CDH2: variants seen among roughly 807,000 people sequenced by gnomAD.
The protein encoded by CDH2 is cadherin-2.
CDH2 carries 17 observed loss-of-function variants against 92.0 expected under a neutral mutation model. The ratio of observed to expected loss-of-function variants is 0.18; its 90% CI spans 0.13 to 0.28. The LOEUF is 0.28. Among genes scored for constraint, CDH2 ranks in the 10% least tolerant of loss-of-function variants. CDH2 has a pLI of 1.00. For missense variants in CDH2, 862 were observed against 1,133.1 expected (o/e 0.76, Z 3.44); for synonymous variants, 419 against 415.9 (o/e 1.01, Z -0.09).
intron 1 of CDH2, among the ~76,000 whole-genome samples, chr18:28,151,067 T>TGCAACCCTACAAGGCTGTGACTGATACCA (rs1204674140): frequency 6.6e-6 from 1 of 152,230 alleles, no homozygotes; most frequent in African/African-American, 2.4e-5. Flanking sequence ...CAATTCTCCC[T>TGCAACCCTACAAGGCTGTGACTGATACCA]GCAACCCTAC....
intron 2 of CDH2, among the ~76,000 whole-genome samples, chr18:28,040,074 C>T (rs936770778): frequency 6.6e-6 from 1 of 152,066 alleles, no homozygotes; most frequent in Admixed American, 6.6e-5. Context: ...GTGCTACTGA[C>T]GAATGAATAA....
At chr18:27,975,146 T>C (rs1197284171) in intron 14 of CDH2, among the ~76,000 whole-genome samples, 1 of 152,136 alleles carries the variant, frequency 6.6e-6, no homozygotes, top group African/African-American at 2.4e-5. Context: ...GGGCCTTACC[T>C]GGAGAGACTG....
intron 1 of CDH2, among the ~76,000 whole-genome samples, chr18:28,175,010 T>G (rs1379581705): frequency 6.6e-6 from 1 of 152,176 alleles, no homozygotes; most frequent in Non-Finnish European, 1.5e-5. Context: ...TGTCTTGCCT[T>G]CCATTTAACT....
intron 1 of CDH2, among the ~76,000 whole-genome samples, chr18:28,151,158 A>T (rs1183857375): frequency 6.6e-5 from 10 of 152,256 alleles, no homozygotes; most frequent in Admixed American, 4.6e-4. Flanking sequence ...GGCTGACTGC[A>T]CTGTGGTGGT....
intron 15 of CDH2, among the ~76,000 whole-genome samples, chr18:27,958,683 G>T (rs971021660): frequency 2.0e-5 from 3 of 152,022 alleles, no homozygotes; most frequent in Non-Finnish European, 4.4e-5. Context: ...GTTTGACTTT[G>T]TCCCCACCCA....
chr18:28,073,735 G>T (rs1278882570), intron 2 of CDH2, among the ~76,000 whole-genome samples: 1 of 152,184 alleles, frequency 6.6e-6, no homozygotes, highest in Non-Finnish European at 1.5e-5. Context: ...TAGTGGGGGT[G>T]TTACAGGCTC....
At chr18:27,946,694 GA>G (rs892033276), downstream of CDH2, among the ~76,000 whole-genome samples, 13 of 151,796 alleles carry the variant, frequency 8.6e-5, no homozygotes, top group African/African-American at 1.2e-4. Flanking sequence ...GCAAAATATT[GA>G]AAAAACAAAG....
intron 2 of CDH2, among the ~76,000 whole-genome samples, chr18:28,135,067 T>C (rs1008687366): frequency 6.6e-6 from 1 of 152,222 alleles, no homozygotes; most frequent in African/African-American, 2.4e-5. Context: ...CTCATGATTC[T>C]AAGTGAATTA....
intron 14 of CDH2, among the ~76,000 whole-genome samples, chr18:27,977,877 G>C (rs1341469530): frequency 6.6e-6 from 1 of 152,086 alleles, no homozygotes; most frequent in Non-Finnish European, 1.5e-5. Flanking sequence ...TAAAAAAAAA[G>C]CAATGGATAA....
intron 2 of CDH2, among the ~76,000 whole-genome samples, chr18:28,135,536 G>A (rs1272899625): frequency 6.6e-6 from 1 of 152,032 alleles, no homozygotes; most frequent in Non-Finnish European, 1.5e-5. Context: ...CATACCTTAG[G>A]TTTATCAGTT....
rs376933549 is a variant in CDH2, at chr18:27,993,630, T to G, written c.1028A>C (p.Gln343Pro). 5.0e-6 allele frequency: 8 copies of G among 1,609,628 alleles called. No individual in the cohort carries two copies. The highest frequency in any genetic ancestry group is 6.8e-6 in the Non-Finnish European group (8 of 1,177,040). Residue 343 changes from glutamine (Q) to proline (P), a missense_variant, in exon 8 of 16, where the codon CAA (glutamine) becomes CCA (proline). By Grantham distance (76) the Gln-to-Pro change is moderately conservative. Around this residue, in one of 5 missense-constraint regions of CDH2, gnomAD observed 564 missense variants for 722.2 expected, o/e 0.78. Transcript: ENST00000269141. The part of the protein sequence containing the change: ...VAAGLDREKV[Q>P]QYTLIIQATD... ...AGCTTGAATTATTAACGTATACTGT[T>G]GCACTTTCTAAAAAGACATAAAGAT...
intron 2 of CDH2, among the ~76,000 whole-genome samples, chr18:28,106,917 A>G (rs1403105756): frequency 1.3e-5 from 2 of 152,192 alleles, no homozygotes; most frequent in Non-Finnish European, 2.9e-5. Context: ...AAAATTATAT[A>G]CAAAGGGACA....
chr18:28,033,017 T>C (rs1481521295), intron 2 of CDH2, among the ~76,000 whole-genome samples: 1 of 152,098 alleles, frequency 6.6e-6, no homozygotes, highest in African/African-American at 2.4e-5. Flanking sequence ...AATAATTACA[T>C]TTCAAGGGAG....
At chr18:28,089,260 A>G (rs1477628937) in intron 2 of CDH2, among the ~76,000 whole-genome samples, 1 of 152,224 alleles carries the variant, frequency 6.6e-6, no homozygotes, top group Non-Finnish European at 1.5e-5. Flanking sequence ...ATAATTTTCT[A>G]GAAAAAAGAT....
intron 2 of CDH2, among the ~76,000 whole-genome samples, chr18:28,135,894 T>C (rs1280336383): frequency 6.6e-6 from 1 of 152,214 alleles, no homozygotes; most frequent in Non-Finnish European, 1.5e-5. Flanking sequence ...CCACAAATTA[T>C]GCATATTTTT....
intron 2 of CDH2, among the ~76,000 whole-genome samples, chr18:28,093,482 T>C (rs1218441992): frequency 2.0e-5 from 3 of 152,116 alleles, no homozygotes; most frequent in Non-Finnish European, 2.9e-5. Context: ...CTTTACACCA[T>C]TCGACTCCCA....
intron 2 of CDH2, among the ~76,000 whole-genome samples, chr18:28,088,654 G>A (rs1378841754): frequency 1.3e-5 from 2 of 152,120 alleles, no homozygotes; most frequent in Non-Finnish European, 2.9e-5. Flanking sequence ...CCCAAAGGAG[G>A]TGGACAGAGG....
At chr18:28,116,898 A>G (rs1425705422) in intron 2 of CDH2, among the ~76,000 whole-genome samples, 3 of 152,088 alleles carry the variant, frequency 2.0e-5, no homozygotes, top group Admixed American at 6.6e-5. Context: ...ATGAAGGGAG[A>G]AGAATCAGTA....
intron 1 of CDH2, among the ~76,000 whole-genome samples, chr18:28,167,931 T>G (rs550818626): frequency 6.6e-6 from 1 of 152,204 alleles, no homozygotes; most frequent in South Asian, 2.1e-4. Context: ...TTTTCTTTAT[T>G]TACTCAACCC....
Sources: gnomAD v4.1 joint callset for allele counts (sites outside exome capture counted in the v4.1 genomes callset) on GRCh38, gnomAD v4.1.1 for gene constraint, gnomAD v4.1.1 regional missense constraint, MANE v1.5 for transcripts, NCBI Gene and HGNC (gene_info 2026-07-23, HGNC 2026-07-21) for gene names.